Variants in ATP8A2 observed in about 807,000 individuals in gnomAD.
ATP8A2 encodes the protein ATPase phospholipid transporting 8A2.
Under a neutral mutation model 165.6 loss-of-function variants are expected in ATP8A2, and 100 were observed. The observed-to-expected ratio is 0.60, with a 90% CI of 0.51 to 0.71. The LOEUF is 0.71. Among genes scored for constraint, ATP8A2 ranks in the 30% least tolerant of loss-of-function variants. The probability of loss-of-function intolerance (pLI) is 0.00; values close to 1 mark genes in which losing one functional copy is unlikely to be tolerated. For missense variants in ATP8A2, 1,227 were observed against 1,479.5 expected (o/e 0.83, Z 2.80); for synonymous variants, 543 against 548.8 (o/e 0.99, Z 0.15).
In ATP8A2 at chr13:25,553,921, G is replaced by A; in HGVS notation, c.1185+1G>A. ...TACTCAAGCCCTTTTCATAAACTGGGTGAGTATTAAAGCAGAGTTGAATCA... is the reference window on the plus strand; with the variant it reads ...TACTCAAGCCCTTTTCATAAACTGGATGAGTATTAAAGCAGAGTTGAATCA... On this transcript the variant is annotated splice_donor_variant, in intron 12 of 36. Transcript: ENST00000381655. LOFTEE classifies it high-confidence loss of function. The A allele has an allele frequency of 6.2e-7, 1 of 1,612,636 alleles. No individual in the cohort carries two copies. Among genetic ancestry groups the A allele is most frequent in the Non-Finnish European group, 8.5e-7 (1 of 1,179,386 alleles).
At chr13:25,800,322 C>G (rs1950595639) in intron 27 of ATP8A2, among the ~76,000 whole-genome samples, 1 of 152,168 alleles carries the variant, frequency 6.6e-6, no homozygotes, top group African/African-American at 2.4e-5. Context: ...CTGTGCAGAC[C>G]TGGTCAGAGC....
chr13:26,008,137 A>G (rs9319270), intron 35 of ATP8A2, among the ~76,000 whole-genome samples: 6,574 of 152,226 alleles, frequency 0.043, 435 homozygotes, highest in African/African-American at 0.14. Context: ...ATTCTGAAGA[A>G]CTAGAGCACA....
chr13:25,422,402 T>A (rs1341615328), intron 1 of ATP8A2, among the ~76,000 whole-genome samples: 1 of 152,204 alleles, frequency 6.6e-6, no homozygotes, highest in Non-Finnish European at 1.5e-5. Context: ...CTGGCTCTAT[T>A]TAGAGATTTT....
chr13:25,417,368 C>T (rs1263463596), intron 1 of ATP8A2, among the ~76,000 whole-genome samples: 3 of 152,136 alleles, frequency 2.0e-5, no homozygotes, highest in Non-Finnish European at 4.4e-5. Flanking sequence ...GCTTCTAAGT[C>T]CTGCCTTTTT....
At chr13:25,900,375 A>G (rs1953702969) in intron 33 of ATP8A2, among the ~76,000 whole-genome samples, 1 of 152,208 alleles carries the variant, frequency 6.6e-6, no homozygotes, top group Non-Finnish European at 1.5e-5. Context: ...ACCTCACTGC[A>G]TCCTCTGAGA....
intron 1 of ATP8A2, among the ~76,000 whole-genome samples, chr13:25,444,022 A>G (rs113310733): frequency 6.6e-6 from 1 of 152,330 alleles, no homozygotes; most frequent in South Asian, 2.1e-4. Context: ...CTAACACCCA[A>G]ATAAAAATAT....
At chr13:25,487,861 A>G (rs1469000870) in intron 2 of ATP8A2, among the ~76,000 whole-genome samples, 1 of 151,372 alleles carries the variant, frequency 6.6e-6, no homozygotes. Context: ...TTTTTTTTGT[A>G]ATAGCCTGAG....
At chr13:25,670,495 T>C (rs1257960855) in intron 24 of ATP8A2, among the ~76,000 whole-genome samples, 1 of 152,206 alleles carries the variant, frequency 6.6e-6, no homozygotes, top group Non-Finnish European at 1.5e-5. Context: ...CTTAAATGTT[T>C]ACTAATATTT....
At chr13:25,955,167 T>C (rs1008735125) in intron 33 of ATP8A2, among the ~76,000 whole-genome samples, 1 of 151,942 alleles carries the variant, frequency 6.6e-6, no homozygotes, top group African/African-American at 2.4e-5. Context: ...GCAGGAAAGA[T>C]CCAAAATTGA....
At chr13:25,576,975 C>A in intron 19 of ATP8A2, 94 bp from the exon 20 acceptor site, 1 of 983,366 alleles carries the variant, frequency 1.0e-6, no homozygotes. Flanking sequence ...TTTTTAGGAA[C>A]CCCAGACCCC....
At chr13:25,694,382 T>C (rs1392447458) in intron 24 of ATP8A2, among the ~76,000 whole-genome samples, 1 of 152,190 alleles carries the variant, frequency 6.6e-6, no homozygotes, top group African/African-American at 2.4e-5. Context: ...ACCTGGATGC[T>C]CTCCCTGGGC....
intron 1 of ATP8A2, among the ~76,000 whole-genome samples, chr13:25,395,088 A>C (rs2033375848): frequency 6.6e-6 from 1 of 152,096 alleles, no homozygotes; most frequent in Non-Finnish European, 1.5e-5. Flanking sequence ...TCTTCCTAAA[A>C]CTATGATGTC....
intron 11 of ATP8A2, among the ~76,000 whole-genome samples, chr13:25,552,254 T>G (rs1171832545): frequency 6.6e-6 from 1 of 152,174 alleles, no homozygotes; most frequent in Non-Finnish European, 1.5e-5. Context: ...CCTGAAGTGC[T>G]GGGATTACAG....
At chr13:25,833,309 A>G (rs544081906) in intron 28 of ATP8A2, among the ~76,000 whole-genome samples, 68 of 152,242 alleles carry the variant, frequency 4.5e-4, no homozygotes, top group African/African-American at 1.5e-3. Flanking sequence ...CATAGACTCA[A>G]TCCCAACAGG....
In ATP8A2 at chr13:25,559,026, C is replaced by T; in HGVS notation, c.1317C>T (p.Asn439=). ...GAACGCTTACATGCAATATCATGAACTTTAAGAAGTGCAGCATTGCCGGAG... is the reference window on the plus strand; with the variant it reads ...GAACGCTTACATGCAATATCATGAATTTTAAGAAGTGCAGCATTGCCGGAG... ...KTGTLTCNIM[N]FKKCSIAGVT... The change falls in exon 14 of 37, where the codon AAC becomes AAT. Residue 439 remains asparagine (N), a synonymous_variant. Coordinates refer to ENST00000381655, the MANE Select transcript of ATP8A2 (RefSeq NM_016529.6). 6.2e-7 allele frequency: 1 copy of T among 1,612,792 alleles called. No individual in the cohort carries two copies. The highest frequency in any genetic ancestry group is 1.1e-5 in the South Asian group (1 of 90,828).
intron 24 of ATP8A2, among the ~76,000 whole-genome samples, chr13:25,682,544 G>A (rs532376396): frequency 5.9e-5 from 9 of 152,068 alleles, no homozygotes; most frequent in Non-Finnish European, 1.2e-4. Context: ...TTCTCTTGAC[G>A]GGGCACACCA....
chr13:25,447,426 C>T (rs547704145), intron 1 of ATP8A2, among the ~76,000 whole-genome samples: 1 of 152,218 alleles, frequency 6.6e-6, no homozygotes, highest in African/African-American at 2.4e-5. Flanking sequence ...CCCTTGACCC[C>T]CTCGTGGGAC....
chr13:25,780,837 T>G (rs1593335743), intron 27 of ATP8A2, among the ~76,000 whole-genome samples: 2 of 152,138 alleles, frequency 1.3e-5, no homozygotes, highest in African/African-American at 2.4e-5. Flanking sequence ...TAGGCAATAT[T>G]GCCCGCTAGC....
chr13:25,711,588 A>C (rs2043160222), intron 25 of ATP8A2, among the ~76,000 whole-genome samples: 1 of 152,106 alleles, frequency 6.6e-6, no homozygotes, highest in South Asian at 2.1e-4. Context: ...ACAGAGCCTT[A>C]GGAGAAGGCA....
Sources: gnomAD v4.1 joint callset for allele counts (sites outside exome capture counted in the v4.1 genomes callset) on GRCh38, gnomAD v4.1.1 for gene constraint, MANE v1.5 for transcripts, NCBI Gene and HGNC (gene_info 2026-07-23, HGNC 2026-07-21) for gene names.